Variants in MDN1 observed in about 807,000 individuals in gnomAD.
MDN1 encodes midasin AAA ATPase 1, also known as midasin.
A neutral mutation model predicts 669.2 loss-of-function variants in MDN1; 266 were observed. That is an observed-to-expected ratio of 0.40 (90% CI 0.36 to 0.44). The LOEUF is 0.44. Ranked by LOEUF, MDN1 falls within the 20% of genes least tolerant of loss-of-function variation. The pLI is 1.00. For synonymous variants in MDN1, 2,385 were observed against 2,457.1 expected (o/e 0.97, Z 0.87); for missense variants, 5,940 against 6,754.0 (o/e 0.88, Z 4.22).
Position 89,677,708 on chromosome 6 carries a change from A to C in MDN1, c.12413-12T>G. The C allele has an allele frequency of 6.2e-7, 1 of 1,613,914 alleles. No homozygotes were observed. Among genetic ancestry groups the C allele is most frequent in the South Asian group, 1.1e-5 (1 of 91,072 alleles). Reference sequence around the variant, plus strand: ...GCGATACGACAAACCTAGGAAATAAACAGCATTTCTTTAAGCAAAGATGCT... The same window carrying C: ...GCGATACGACAAACCTAGGAAATAACCAGCATTTCTTTAAGCAAAGATGCT... On this transcript the variant is annotated splice_polypyrimidine_tract_variant and intron_variant, in intron 75 of 101. Coordinates refer to ENST00000369393, the MANE Select transcript of MDN1 (RefSeq NM_014611.3).
At chr6:89,780,630 GATGC>G (rs1431249150) in intron 10 of MDN1, among the ~76,000 whole-genome samples, 1 of 149,338 alleles carries the variant, frequency 6.7e-6, no homozygotes, top group African/African-American at 2.5e-5. Flanking sequence ...AGAATGAGGA[GATGC>G]CATTTCCTTT....
intron 1 of MDN1, among the ~76,000 whole-genome samples, chr6:89,817,325 A>G (rs1365855911): frequency 1.3e-5 from 2 of 152,198 alleles, no homozygotes; most frequent in Non-Finnish European, 2.9e-5. Context: ...CATTGACAAA[A>G]GTATCACAAT....
At position 89,714,562 on chromosome 6, in the gene MDN1, C is replaced by A. The variant is rs146951716; in HGVS notation, c.7050G>T (p.Glu2350Asp). The change falls in exon 46 of 102, where the codon GAG (glutamate) becomes GAT (aspartate). Residue 2350 changes from glutamate to aspartate, a missense_variant. Around this residue, in one of 5 missense-constraint regions of MDN1, gnomAD observed 2,292 missense variants for 2,638.3 expected, o/e 0.87. Transcript: ENST00000369393. Reference protein sequence around the residue: ...VCDILLALHTETRSTVVGSPT... With the variant: ...VCDILLALHTDTRSTVVGSPT... ...CCTCACCTACAACAGTGCTCCGGGT[C>A]TCTGTGTGTAAAGCCAAGAGGATGT... The A allele has an allele frequency of 1.7e-5, 27 of 1,610,146 alleles. No individual in the cohort carries two copies. In the African/African-American group the frequency reaches 3.6e-4, roughly 22 times the overall value.
At chr6:89,772,861 T>C in intron 13 of MDN1, 140 bp from the exon 14 acceptor site, 2 of 909,192 alleles carry the variant, frequency 2.2e-6, no homozygotes, top group Non-Finnish European at 3.2e-6. Flanking sequence ...TACCAGATAA[T>C]CTTACAACAT....
At position 89,681,724 on chromosome 6, in the gene MDN1, C is replaced by T. The variant is rs543974231; in HGVS notation, c.12103-973G>A. Among the ~76,000 whole-genome samples the T allele has an allele frequency of 7.2e-4, 110 of 152,260 alleles. 1 individual carries two copies. The highest frequency in any genetic ancestry group is 2.6e-3 in the African/African-American group (106 of 41,540). On this transcript the variant is annotated intron_variant, in intron 73 of 101. Coordinates refer to ENST00000369393, the MANE Select transcript of MDN1 (RefSeq NM_014611.3). The stretch of plus-strand genomic sequence containing the variant: ...AGTTTCTATTATGAGTTTTGAACCA[C>T]TAAAATAACAAAAATAGCTTAAGGA...
intron 53 of MDN1, among the ~76,000 whole-genome samples, chr6:89,704,080 C>T (rs1432934787): frequency 6.6e-6 from 1 of 151,016 alleles, no homozygotes; most frequent in Non-Finnish European, 1.5e-5. Context: ...TTAAGCAAAA[C>T]TTAGAATTCT....
chr6:89,744,698 C>T (rs1816496207), intron 29 of MDN1, among the ~76,000 whole-genome samples: 2 of 152,062 alleles, frequency 1.3e-5, no homozygotes, highest in South Asian at 4.1e-4. Context: ...CCACCACAAC[C>T]AGCTGAGACT....
chr6:89,702,993 T>C (rs1012111986), intron 53 of MDN1, among the ~76,000 whole-genome samples: 5 of 151,134 alleles, frequency 3.3e-5, no homozygotes, highest in African/African-American at 9.7e-5. Context: ...TAGAGTGCAA[T>C]GGCGCAATCT....
Position 89,747,481 on chromosome 6 carries a change from AT to A in MDN1, c.3763-12del. The stretch of plus-strand genomic sequence containing the variant: ...ACTTCTGCGATAGGACTGTTGAAGT[AT>A]CAAAACAAATGAAAAGGGGCATCAG... On this transcript the variant is annotated splice_polypyrimidine_tract_variant and intron_variant, in intron 26 of 101. Coordinates refer to ENST00000369393, the MANE Select transcript of MDN1 (RefSeq NM_014611.3). 1 of 1,608,872 alleles carries A rather than the reference AT, an allele frequency of 6.2e-7. No homozygotes were observed.
rs545741574 is a variant in MDN1 at position 89,700,443 on chromosome 6, AATG to A, written c.8639-152_8639-150del. ...TAAGCTTTGAGATTCTCATCTGTGA[AATG>A]ATATTAATACCCACATGATTCTGAT... On this transcript the variant is annotated intron_variant, in intron 56 of 101. Coordinates refer to ENST00000369393, the MANE Select transcript of MDN1 (RefSeq NM_014611.3). The A allele has an allele frequency of 8.6e-4, 658 of 766,230 alleles. 5 individuals carry two copies. In the African/African-American group the frequency reaches 0.011, roughly 12 times the overall value. The allele number at this position is 766,230 out of a possible 1,614,324, so 47.5% of individuals were successfully genotyped here.
chr6:89,693,897 C>T (rs1458536443), intron 62 of MDN1, among the ~76,000 whole-genome samples, 177 bp downstream of exon 62: 1 of 152,148 alleles, frequency 6.6e-6, no homozygotes, highest in East Asian at 1.9e-4. Flanking sequence ...CTTGAATAGC[C>T]CCCCTCTCCT....
At chr6:89,763,141 G>C (rs1198438457) in intron 15 of MDN1, among the ~76,000 whole-genome samples, 1 of 152,184 alleles carries the variant, frequency 6.6e-6, no homozygotes, top group South Asian at 2.1e-4. Context: ...AAATAAATAT[G>C]TATAGGGCAT....
At chr6:89,654,399 G>T in intron 92 of MDN1, 65 bp from the exon 93 acceptor site, 1 of 1,579,668 alleles carries the variant, frequency 6.3e-7, no homozygotes, top group Non-Finnish European at 8.6e-7. Flanking sequence ...ATAATAATAA[G>T]TGGGTATGGT....
intron 9 of MDN1, among the ~76,000 whole-genome samples, chr6:89,783,051 A>C (rs978266654): frequency 2.0e-5 from 3 of 152,194 alleles, no homozygotes; most frequent in African/African-American, 7.2e-5. Context: ...TGTTTGAACA[A>C]TATGAAATCA....
intron 53 of MDN1, among the ~76,000 whole-genome samples, chr6:89,704,230 A>G (rs1320809443): frequency 6.6e-6 from 1 of 151,708 alleles, no homozygotes; most frequent in East Asian, 1.9e-4. Flanking sequence ...AAAATACAAA[A>G]ATTACCTGGG....
chr6:89,698,291 G>A (rs1273612441), intron 59 of MDN1, among the ~76,000 whole-genome samples: 2 of 152,178 alleles, frequency 1.3e-5, no homozygotes, highest in African/African-American at 4.8e-5. Context: ...GCTCCAACAA[G>A]TGGACAAAGA....
At chr6:89,710,054 C>T (rs922082122) in intron 50 of MDN1, among the ~76,000 whole-genome samples, 15 of 152,116 alleles carry the variant, frequency 9.9e-5, no homozygotes, top group Admixed American at 7.9e-4. Context: ...TACAAGTCAC[C>T]GCATCTATCA....
intron 11 of MDN1, among the ~76,000 whole-genome samples, chr6:89,777,334 T>G (rs1818404204): frequency 6.6e-6 from 1 of 152,236 alleles, no homozygotes; most frequent in Admixed American, 6.5e-5. Flanking sequence ...GCAAAGATTA[T>G]GACAGAGCAA....
chr6:89,719,108 G>T (rs1426722383), intron 41 of MDN1, 28 bp downstream of exon 41: 1 of 1,611,706 alleles, frequency 6.2e-7, no homozygotes, highest in Non-Finnish European at 8.5e-7. Flanking sequence ...AAATGTCAAA[G>T]GATAGAGGAT....
Sources: allele counts gnomAD v4.1 joint callset (sites outside exome capture counted in the v4.1 genomes callset), GRCh38; gene constraint gnomAD v4.1.1; regional missense constraint gnomAD v4.1.1; transcripts MANE v1.5; gene names NCBI Gene and HGNC (gene_info 2026-07-23, HGNC 2026-07-21).